NR2F6: variants seen among roughly 807,000 people sequenced by gnomAD.
NR2F6 encodes the protein ERBA-related gene-2.
Under a neutral mutation model 26.5 loss-of-function variants are expected in NR2F6, and 16 were observed. The ratio of observed to expected loss-of-function variants is 0.60; its 90% CI spans 0.41 to 0.92. The LOEUF is 0.92. Ranked by LOEUF, NR2F6 falls within the 40% of genes least tolerant of loss-of-function variation. The probability of loss-of-function intolerance (pLI) is 0.00; values close to 1 mark genes in which losing one functional copy is unlikely to be tolerated. For synonymous variants in NR2F6, 325 were observed against 305.0 expected (o/e 1.07, Z -0.68); for missense variants, 536 against 631.7 (o/e 0.85, Z 1.62).
In NR2F6 at chr19:17,236,033, G is replaced by A; in HGVS notation, c.406C>T (p.Pro136Ser). ...VQRGRIPHSL[P>S]GAVAASSGSP... ...CCCGAGGAGGCGGCCACGGCACCAG[G>A]CAGCGAGTGCGGGATGCGGCCGCGC... The change falls in exon 3 of 4, where the codon CCT becomes TCT. Residue 136 changes from proline to serine, a missense_variant. By Grantham distance (74) the Pro-to-Ser change is moderately conservative. Transcript: ENST00000291442. The A allele has an allele frequency of 7.4e-7, 1 of 1,352,296 alleles. No homozygotes were observed. The highest frequency in any genetic ancestry group is 9.4e-7 in the Non-Finnish European group (1 of 1,059,822). 83.8% of individuals were successfully genotyped at this position (1,352,296 alleles called of 1,614,324 possible).
intron 1 of NR2F6, among the ~76,000 whole-genome samples, chr19:17,243,467 C>A (rs1159877037): frequency 6.6e-6 from 1 of 152,104 alleles, no homozygotes; most frequent in African/African-American, 2.4e-5. Flanking sequence ...CAAGGCCCCC[C>A]CCACCCAAAA....
chr19:17,245,554 C>G lies in NR2F6; in HGVS notation c.-334G>C, dbSNP rs1244641877. ...GGGGCGCGCGGGCCATGGCCCGGCC[C>G]GAGCCGCGCAGGGGGCGTCCTCTGG... is the stretch of plus-strand genomic sequence containing the variant. On this transcript the variant is annotated 5_prime_UTR_variant, in exon 1 of 4. Coordinates refer to ENST00000291442, the MANE Select transcript of NR2F6 (RefSeq NM_005234.4). The surrounding 1 kb of genome is among the most constrained non-coding windows in gnomAD (Gnocchi z 5.0). The G allele has an allele frequency of 6.8e-6, 1 of 146,596 alleles. No homozygotes were observed. Among genetic ancestry groups the G allele is most frequent in the Non-Finnish European group, 1.5e-5 (1 of 65,838 alleles). The allele number at this position is 146,596 out of a possible 1,614,324, so 9.1% of individuals were successfully genotyped here.
chr19:17,234,307 G>A (rs752864409), intron 3 of NR2F6, among the ~76,000 whole-genome samples: 12 of 151,904 alleles, frequency 7.9e-5, no homozygotes, highest in Non-Finnish European at 1.2e-4. Flanking sequence ...ACTCTGTTGC[G>A]CAGGCTCAAG....
At chr19:17,243,025 G>A (rs1038356958) in intron 1 of NR2F6, among the ~76,000 whole-genome samples, 3 of 152,122 alleles carry the variant, frequency 2.0e-5, no homozygotes, top group African/African-American at 7.2e-5. Flanking sequence ...GGCCCACCTA[G>A]CTCTGACTTC....
chr19:17,233,133 G>A (rs1568315814), intron 3 of NR2F6, among the ~76,000 whole-genome samples: 1 of 152,036 alleles, frequency 6.6e-6, no homozygotes, highest in Non-Finnish European at 1.5e-5. Context: ...GGCAACAGAG[G>A]GAGACCCTGT....
At position 17,241,005 on chromosome 19, in the gene NR2F6, G is replaced by A. The variant is rs75703231; in HGVS notation, c.279-240C>T. Reference sequence around the variant, plus strand: ...TGGAAAAGCAGATGAACACCCCAGGGAGGGCACATTGGCATGGGTTTTGAA... The same window carrying A: ...TGGAAAAGCAGATGAACACCCCAGGAAGGGCACATTGGCATGGGTTTTGAA... On this transcript the variant is annotated intron_variant, in intron 1 of 3. Coordinates refer to ENST00000291442, the MANE Select transcript of NR2F6 (RefSeq NM_005234.4). Among the ~76,000 whole-genome samples the A allele has an allele frequency of 3.1e-3, 473 of 152,356 alleles. 4 individuals carry two copies. The highest frequency in any genetic ancestry group is 0.011 in the African/African-American group (446 of 41,574).
chr19:17,240,277 C>T (rs927985360), intron 2 of NR2F6, among the ~76,000 whole-genome samples: 32 of 152,184 alleles, frequency 2.1e-4, no homozygotes, highest in Admixed American at 3.3e-4. Context: ...GCGGTGGCCG[C>T]GCTAGCAGAC....
intron 1 of NR2F6, among the ~76,000 whole-genome samples, chr19:17,242,645 G>A (rs2073475992): frequency 6.6e-6 from 1 of 152,220 alleles, no homozygotes; most frequent in Admixed American, 6.5e-5. Flanking sequence ...GGGAGCTCAG[G>A]CAGAACCAGA....
Position 17,235,761 on chromosome 19 carries a change from C to T in NR2F6, c.678G>A (p.Leu226=), listed in dbSNP as rs1034639189. The T allele has an allele frequency of 8.0e-6, 12 of 1,500,026 alleles. No homozygotes were observed. In the African/African-American group the frequency reaches 1.7e-4, roughly 22 times the overall value. 92.9% of individuals were successfully genotyped at this position (1,500,026 alleles called of 1,614,324 possible). Residue 226 remains leucine (L), a synonymous_variant, in exon 3 of 4, where the codon CTG becomes CTA. Transcript: ENST00000291442. This position sits in a 1 kb window ranked among gnomAD's most constrained non-coding sequence, Gnocchi z 5.0. ...WARHAPFFPE[L]PVADQVALLR... is the part of the protein sequence containing the mutation. ...GCAGCGCCACCTGGTCGGCCACCGG[C>T]AGCTCGGGGAAGAAGGGCGCGTGGC...
intron 3 of NR2F6, among the ~76,000 whole-genome samples, chr19:17,234,788 G>A (rs1240626646): frequency 6.6e-6 from 1 of 152,162 alleles, no homozygotes; most frequent in African/African-American, 2.4e-5. Context: ...GAGCCCTGGA[G>A]ATCAAGGCTG....
chr19:17,235,350 C>T lies in NR2F6; in HGVS notation c.940+149G>A. 2 of 1,442,438 alleles carry T rather than the reference C, an allele frequency of 1.4e-6. No individual in the cohort carries two copies. Among genetic ancestry groups the T allele is most frequent in the Non-Finnish European group, 1.8e-6 (2 of 1,100,024 alleles). 89.4% of individuals were successfully genotyped at this position (1,442,438 alleles called of 1,614,324 possible). A position where few individuals can be genotyped will look rare whatever the true frequency, so the allele number is the denominator to read the frequency against. ...GCTTACATCACCCCTCTACAGCCAC[C>T]CAAGAGCGTTCACTCACGGCGCGTG... On this transcript the variant is annotated intron_variant, in intron 3 of 3. Transcript: ENST00000291442. The surrounding 1 kb of genome is among the most constrained non-coding windows in gnomAD (Gnocchi z 5.0).
At position 17,235,371 on chromosome 19, in the gene NR2F6, G is replaced by A. The variant is rs946840734; in HGVS notation, c.940+128C>T. ...CCACCCAAGAGCGTTCACTCACGGC[G>A]CGTGCAGGGCCCCAGGCCTAGGGAG... On this transcript the variant is annotated intron_variant, in intron 3 of 3. Coordinates refer to ENST00000291442, the MANE Select transcript of NR2F6 (RefSeq NM_005234.4). This position sits in a 1 kb window ranked among gnomAD's most constrained non-coding sequence, Gnocchi z 5.0. 2.1e-4 allele frequency: 307 copies of A among 1,459,450 alleles called. 1 individual carries two copies. The highest frequency in any genetic ancestry group is 2.6e-4 in the Non-Finnish European group (294 of 1,112,270). The allele number at this position is 1,459,450 out of a possible 1,614,324, so 90.4% of individuals were successfully genotyped here.
intron 1 of NR2F6, chr19:17,244,578 G>T (rs2073486316): frequency 4.3e-6 from 1 of 230,720 alleles, no homozygotes; most frequent in East Asian, 1.4e-4. Flanking sequence ...GGCATCCCGC[G>T]CGCCGGGATC....
At position 17,235,434 on chromosome 19, in the gene NR2F6, G is replaced by C. The variant is rs2073430422; in HGVS notation, c.940+65C>G. On this transcript the variant is annotated intron_variant, in intron 3 of 3. Transcript: ENST00000291442. The surrounding 1 kb of genome is among the most constrained non-coding windows in gnomAD (Gnocchi z 5.0). ...TATGGGGGCCGGAGTCTGGGTCCAG[G>C]CCGCCCTCCTCCTAACCTCCCTTGG... The C allele has an allele frequency of 6.6e-7, 1 of 1,524,522 alleles. No individual in the cohort carries two copies. The highest frequency in any genetic ancestry group is 1.4e-5 in the African/African-American group (1 of 71,356). 94.4% of individuals were successfully genotyped at this position (1,524,522 alleles called of 1,614,324 possible). A position where few individuals can be genotyped will look rare whatever the true frequency, so the allele number is the denominator to read the frequency against.
intron 2 of NR2F6, 123 bp downstream of exon 2, chr19:17,240,548 G>A (rs1010594609): frequency 1.9e-6 from 2 of 1,042,262 alleles, no homozygotes; most frequent in Admixed American, 1.9e-5. Context: ...ACCCTGTGAG[G>A]CACCCAGACC....
At chr19:17,244,524 G>A in intron 1 of NR2F6, 1 of 183,448 alleles carries the variant, frequency 5.5e-6, no homozygotes. Flanking sequence ...GCCCCTGGAC[G>A]CTGCGAGCTC....
Position 17,232,376 on chromosome 19 carries a change from G to C in NR2F6, c.1191C>G (p.Asn397Lys). ...RDMLLSGSTFNWPYGSGQ is the reference protein window; with the variant it reads ...RDMLLSGSTFKWPYGSGQ ...GTCACTGGCCCGAGCCGTAGGGCCA[G>C]TTGAAGGTACTCCCCGACAGCAGCA... Residue 397 changes from asparagine to lysine, a missense_variant, in exon 4 of 4, where the codon AAC becomes AAG. Coordinates refer to ENST00000291442, the MANE Select transcript of NR2F6 (RefSeq NM_005234.4). 1 of 1,614,038 alleles carries C rather than the reference G, an allele frequency of 6.2e-7. No homozygotes were observed. The highest frequency in any genetic ancestry group is 1.3e-5 in the African/African-American group (1 of 75,076).
intron 2 of NR2F6, among the ~76,000 whole-genome samples, chr19:17,239,592 T>C (rs1431593378): frequency 6.6e-6 from 1 of 151,098 alleles, no homozygotes; most frequent in Non-Finnish European, 1.5e-5. Context: ...GGGCGGAGCC[T>C]GCAGTGAGCC....
At chr19:17,237,214 G>A (rs1433740388) in intron 2 of NR2F6, among the ~76,000 whole-genome samples, 2 of 152,114 alleles carry the variant, frequency 1.3e-5, no homozygotes, top group Non-Finnish European at 2.9e-5. Flanking sequence ...TGTCAAATGG[G>A]GATAGGTGGA....
Sources: gnomAD v4.1 joint callset for allele counts (sites outside exome capture counted in the v4.1 genomes callset) on GRCh38, gnomAD v4.1.1 for gene constraint, Gnocchi (gnomAD v3.1) non-coding constraint, MANE v1.5 for transcripts, NCBI Gene and HGNC (gene_info 2026-07-23, HGNC 2026-07-21) for gene names.